ZFAT: variants seen among roughly 807,000 people sequenced by gnomAD.
ZFAT encodes the protein zinc finger and AT-hook domain containing.
Under a neutral mutation model 117.7 loss-of-function variants are expected in ZFAT, and 64 were observed. The ratio of observed to expected loss-of-function variants is 0.54; its 90% CI spans 0.44 to 0.67. The LOEUF (loss-of-function observed/expected upper bound fraction) is 0.67. Among genes scored for constraint, ZFAT ranks in the 30% least tolerant of loss-of-function variants. ZFAT has a pLI of 0.00. For missense variants in ZFAT, 1,433 were observed against 1,584.5 expected (o/e 0.90, Z 1.62); for synonymous variants, 679 against 615.0 (o/e 1.10, Z -1.54).
intron 1 of ZFAT, among the ~76,000 whole-genome samples, chr8:134,695,905 T>C (rs1586964986): frequency 6.8e-6 from 1 of 147,812 alleles, no homozygotes; most frequent in South Asian, 2.2e-4. Flanking sequence ...CCAGGCGGCA[T>C]CTCTAACCAA....
intron 1 of ZFAT, among the ~76,000 whole-genome samples, chr8:134,690,604 T>C (rs953823924): frequency 2.0e-5 from 3 of 152,348 alleles, no homozygotes; most frequent in East Asian, 1.9e-4. Flanking sequence ...AGTATTTACA[T>C]GTGTCTAGGG....
Position 134,602,030 on chromosome 8 carries a change from G to A in ZFAT, c.1689C>T (p.Ala563=). Residue 563 remains alanine (A), a synonymous_variant, in exon 6 of 16, where the codon GCC becomes GCT. Coordinates refer to ENST00000377838, the MANE Select transcript of ZFAT (RefSeq NM_020863.4). ...GEMPAPAVHL[A]SPQAESTALP... Reference sequence around the variant, plus strand: ...GGGCTGTGCTTTCGGCCTGCGGGGAGGCCAGGTGCACAGCTGGGGCAGGCA... The same window carrying A: ...GGGCTGTGCTTTCGGCCTGCGGGGAAGCCAGGTGCACAGCTGGGGCAGGCA... 6.2e-7 allele frequency: 1 copy of A among 1,612,228 alleles called. No individual in the cohort carries two copies. The highest frequency in any genetic ancestry group is 8.5e-7 in the Non-Finnish European group (1 of 1,179,678).
the ZFAT span, among the ~76,000 whole-genome samples, chr8:134,808,901 CAA>C: frequency 6.6e-6 from 1 of 152,176 alleles, no homozygotes; most frequent in Non-Finnish European, 1.5e-5. Flanking sequence ...ATTATCAAAT[CAA>C]AGTTTGCCTA....
At chr8:134,556,578 A>C (rs1295524161) in intron 11 of ZFAT, among the ~76,000 whole-genome samples, 1 of 152,186 alleles carries the variant, frequency 6.6e-6, no homozygotes, top group Non-Finnish European at 1.5e-5. Context: ...AGCCGGCTAG[A>C]AGAAAAAGAC....
upstream of ZFAT, among the ~76,000 whole-genome samples, chr8:134,714,131 AGT>A: frequency 7.7e-6 from 1 of 129,378 alleles, no homozygotes; most frequent in Non-Finnish European, 1.6e-5. Flanking sequence ...AAAAAAAAAA[AGT>A]GTAAAAGCAG....
chr8:134,815,571 T>A, the ZFAT span, among the ~76,000 whole-genome samples: 1 of 152,228 alleles, frequency 6.6e-6, no homozygotes, highest in Non-Finnish European at 1.5e-5. Flanking sequence ...CCATTCTTCT[T>A]ATTGTGGCTT....
At chr8:134,654,278 A>G (rs1586898686) in intron 2 of ZFAT, among the ~76,000 whole-genome samples, 1 of 152,234 alleles carries the variant, frequency 6.6e-6, no homozygotes, top group East Asian at 1.9e-4. Flanking sequence ...TAGCTAGGTG[A>G]CAAGAGCAAA....
At chr8:134,738,150 T>C in the ZFAT span, among the ~76,000 whole-genome samples, 51 of 152,168 alleles carry the variant, frequency 3.4e-4, no homozygotes, top group African/African-American at 1.2e-3. Flanking sequence ...TTGATGCACA[T>C]AAAATGATTT....
chr8:134,524,685 T>C (rs956721380), intron 12 of ZFAT, among the ~76,000 whole-genome samples: 4 of 152,164 alleles, frequency 2.6e-5, no homozygotes, highest in Non-Finnish European at 5.9e-5. Context: ...CTGGCCCCGA[T>C]TGTAAGCAGT....
the ZFAT span, among the ~76,000 whole-genome samples, chr8:134,817,394 TACACACACACACACACAC>T: frequency 4.0e-5 from 5 of 126,072 alleles, no homozygotes; most frequent in South Asian, 2.5e-4. Flanking sequence ...TCTCTCTCTC[TACACACACACACACACAC>T]ACACACACAC....
Position 134,702,765 on chromosome 8 carries a change from G to A in ZFAT, c.19+10080C>T, listed in dbSNP as rs531662180. 5.0e-4 allele frequency among the ~76,000 whole-genome samples: 75 copies of A among 151,190 alleles called. 1 individual carries two copies. The Middle Eastern group carries it at 0.014, about 28-fold the overall frequency. ...CGGCTCACTGCAAGCTCCGCCTTCCGGGTTCACACCATTCTCCTGCCTCAG... is the reference window on the plus strand; with the variant it reads ...CGGCTCACTGCAAGCTCCGCCTTCCAGGTTCACACCATTCTCCTGCCTCAG... On this transcript the variant is annotated intron_variant, in intron 1 of 15. Coordinates refer to ENST00000377838, the MANE Select transcript of ZFAT (RefSeq NM_020863.4).
At chr8:134,648,757 A>G (rs1831044235) in intron 2 of ZFAT, among the ~76,000 whole-genome samples, 1 of 152,176 alleles carries the variant, frequency 6.6e-6, no homozygotes, top group South Asian at 2.1e-4. Context: ...AAAAAATAGA[A>G]GAGGAGGGAA....
At chr8:134,549,669 A>G (rs1414693089) in intron 11 of ZFAT, among the ~76,000 whole-genome samples, 4 of 152,242 alleles carry the variant, frequency 2.6e-5, no homozygotes, top group Non-Finnish European at 4.4e-5. Flanking sequence ...ACTGTAAATT[A>G]CAAGATACAT....
chr8:134,678,353 G>A (rs1832906647), intron 1 of ZFAT, among the ~76,000 whole-genome samples: 1 of 152,134 alleles, frequency 6.6e-6, no homozygotes, highest in Non-Finnish European at 1.5e-5. Context: ...TTGCTACAAA[G>A]AGAATAAAAT....
At chr8:134,661,338 C>T (rs1251120804) in intron 1 of ZFAT, among the ~76,000 whole-genome samples, 1 of 152,216 alleles carries the variant, frequency 6.6e-6, no homozygotes, top group Non-Finnish European at 1.5e-5. Context: ...TGGGCAGGCA[C>T]TGGCAGCTCC....
chr8:134,825,334 T>A, the ZFAT span, among the ~76,000 whole-genome samples: 1 of 152,244 alleles, frequency 6.6e-6, no homozygotes, highest in Non-Finnish European at 1.5e-5. Flanking sequence ...CTAATCCCTA[T>A]GATCTTTCTC....
At chr8:134,804,927 C>A in the ZFAT span, 1 of 533,612 alleles carries the variant, frequency 1.9e-6, no homozygotes. Context: ...AGCTTCCAGT[C>A]GGGGATGTTT....
intron 3 of ZFAT, among the ~76,000 whole-genome samples, chr8:134,628,970 A>C (rs1829704346): frequency 6.6e-6 from 1 of 152,370 alleles, no homozygotes; most frequent in Non-Finnish European, 1.5e-5. Flanking sequence ...TAAATCCCCC[A>C]AAATATCTGC....
chr8:134,725,007 C>A, the ZFAT span, among the ~76,000 whole-genome samples: 2 of 152,186 alleles, frequency 1.3e-5, no homozygotes, highest in African/African-American at 4.8e-5. Flanking sequence ...TCCCTGGGGC[C>A]TTGCTTGAGA....
Sources: allele counts gnomAD v4.1 joint callset (sites outside exome capture counted in the v4.1 genomes callset), GRCh38; gene constraint gnomAD v4.1.1; transcripts MANE v1.5; gene names NCBI Gene and HGNC (gene_info 2026-07-23, HGNC 2026-07-21).